Variants in ORC4 observed in about 807,000 individuals in gnomAD.
ORC4 encodes origin recognition complex, subunit 4 homolog.
Under a neutral mutation model 63.9 loss-of-function variants are expected in ORC4, and 55 were observed. That is an observed-to-expected ratio of 0.86 (90% CI 0.69 to 1.08). The LOEUF (loss-of-function observed/expected upper bound fraction) is 1.08. ORC4 is among the 50% of genes least tolerant of loss of function. ORC4 has a pLI of 0.00. For missense variants in ORC4, 511 were observed against 504.4 expected, an observed-to-expected ratio of 1.01 and a Z score of -0.13; for synonymous variants, 150 against 168.5, an observed-to-expected ratio of 0.89 and a Z score of 0.85.
At position 147,990,632 on chromosome 2, in the gene ORC4, T is replaced by G. The variant is rs535061533; in HGVS notation, c.-17-14657A>C. Reference sequence around the variant, plus strand: ...GAGCTGAAGAATAATTCCACACAAATCAACTTTTGGACCACAGGTGAATAA... The same window carrying G: ...GAGCTGAAGAATAATTCCACACAAAGCAACTTTTGGACCACAGGTGAATAA... On this transcript the variant is annotated intron_variant, in intron 1 of 13. Coordinates refer to ENST00000392857, the MANE Select transcript of ORC4 (RefSeq NM_181741.4). 5.3e-5 allele frequency among the ~76,000 whole-genome samples: 8 copies of G among 152,328 alleles called. No homozygotes were observed. The East Asian group carries it at 1.5e-3, about 29-fold the overall frequency.
chr2:147,982,671 C>A (rs1334550473), intron 1 of ORC4, among the ~76,000 whole-genome samples: 2 of 152,140 alleles, frequency 1.3e-5, no homozygotes, highest in African/African-American at 4.8e-5. Context: ...TACCTTATAA[C>A]CTACATAAAT....
chr2:147,991,711 C>T (rs1691621570), intron 1 of ORC4, among the ~76,000 whole-genome samples: 1 of 151,922 alleles, frequency 6.6e-6, no homozygotes, highest in Non-Finnish European at 1.5e-5. Context: ...ACCTGTAATC[C>T]CAGATACTCG....
intron 1 of ORC4, among the ~76,000 whole-genome samples, chr2:148,007,122 C>G (rs1175461271): frequency 6.6e-6 from 1 of 152,202 alleles, no homozygotes; most frequent in Non-Finnish European, 1.5e-5. Context: ...AACACTCAAT[C>G]TGCTTTGATT....
At chr2:147,955,624 A>G (rs1394509502) in intron 6 of ORC4, among the ~76,000 whole-genome samples, 1 of 152,020 alleles carries the variant, frequency 6.6e-6, no homozygotes. Context: ...GAAATTTTAT[A>G]TTTTAGAACT....
At chr2:147,948,719 A>G (rs1284023880) in intron 8 of ORC4, among the ~76,000 whole-genome samples, 5 of 150,028 alleles carry the variant, frequency 3.3e-5, no homozygotes, top group African/African-American at 1.2e-4. Context: ...TATTTGTGCT[A>G]TTTTTCCTTA....
chr2:147,992,854 G>C (rs1691705229), intron 1 of ORC4, among the ~76,000 whole-genome samples: 1 of 152,022 alleles, frequency 6.6e-6, no homozygotes, highest in Non-Finnish European at 1.5e-5. Context: ...ACAGAAACCA[G>C]AACTCCCTTT....
chr2:148,016,342 T>C (rs1558884141), intron 1 of ORC4, among the ~76,000 whole-genome samples: 5 of 152,188 alleles, frequency 3.3e-5, no homozygotes, highest in Non-Finnish European at 2.9e-5. Context: ...GCCGGTCTGA[T>C]CCACTACAGC....
At chr2:147,983,325 G>C (rs879922962) in intron 1 of ORC4, among the ~76,000 whole-genome samples, 1 of 152,188 alleles carries the variant, frequency 6.6e-6, no homozygotes, top group Non-Finnish European at 1.5e-5. Flanking sequence ...CACTCAATGA[G>C]CCAATGGGGT....
chr2:147,983,723 C>T (rs114397349), intron 1 of ORC4, among the ~76,000 whole-genome samples: 83 of 152,322 alleles, frequency 5.4e-4, no homozygotes, highest in African/African-American at 1.9e-3. Context: ...CTGAAGAAAT[C>T]TATGTCCAGA....
intron 9 of ORC4, among the ~76,000 whole-genome samples, chr2:147,944,813 C>G (rs1344033792): frequency 6.6e-6 from 1 of 151,714 alleles, no homozygotes; most frequent in Non-Finnish European, 1.5e-5. Context: ...TTCTAGTCTA[C>G]TGGAATAAAA....
chr2:148,012,065 T>C (rs1243249156), intron 1 of ORC4, among the ~76,000 whole-genome samples: 1 of 151,636 alleles, frequency 6.6e-6, no homozygotes, highest in Non-Finnish European at 1.5e-5. Context: ...TCAAGAGCAA[T>C]GACATTCTTC....
In ORC4 at chr2:147,946,475, G is replaced by C. The variant is rs1169424637; in HGVS notation, c.762+1576C>G. 3.9e-5 allele frequency among the ~76,000 whole-genome samples: 6 copies of C among 152,134 alleles called. No individual in the cohort carries two copies. The South Asian group carries it at 1.2e-3, about 32-fold the overall frequency. ...TAAAAGCTGAAGATCCAGAGGTCTG[G>C]TTCACACCAGACCCCAGTAAAAGGG... On this transcript the variant is annotated intron_variant, in intron 9 of 13. Transcript: ENST00000392857.
chr2:147,975,626 T>C (rs1321310244), intron 2 of ORC4, among the ~76,000 whole-genome samples: 1 of 151,716 alleles, frequency 6.6e-6, no homozygotes, highest in African/African-American at 2.4e-5. Flanking sequence ...AAAAAAAATA[T>C]ATGAACTGAC....
At chr2:147,939,015 C>T in intron 11 of ORC4, 125 bp downstream of exon 11, 1 of 680,548 alleles carries the variant, frequency 1.5e-6, no homozygotes, top group Non-Finnish European at 2.7e-6. Context: ...AAGTTAAAGG[C>T]TATATGGATA....
chr2:147,936,339 T>A (rs1327092533), intron 13 of ORC4: 3 of 152,668 alleles, frequency 2.0e-5, no homozygotes, highest in Non-Finnish European at 2.9e-5. Context: ...CTCTTTCTTG[T>A]CTACTTCCTC....
At chr2:147,943,636 T>A (rs1688497273) in intron 9 of ORC4, 114 bp from the exon 10 acceptor site, 3 of 663,636 alleles carry the variant, frequency 4.5e-6, no homozygotes, top group Non-Finnish European at 7.9e-6. Flanking sequence ...CTAATATTAA[T>A]TCATTATTAA....
chr2:147,965,946 C>G (rs186300014), intron 4 of ORC4, among the ~76,000 whole-genome samples: 1 of 152,240 alleles, frequency 6.6e-6, no homozygotes, highest in Admixed American at 6.5e-5. Context: ...TAGCTCACAC[C>G]TGTAACCCCA....
chr2:147,959,062 G>T (rs1440954665), intron 4 of ORC4, among the ~76,000 whole-genome samples, 196 bp from the exon 5 acceptor site: 1 of 151,918 alleles, frequency 6.6e-6, no homozygotes, highest in East Asian at 1.9e-4. Context: ...CAAGAGCCAG[G>T]ACTGATACAA....
chr2:147,965,757 G>A lies in ORC4; in HGVS notation c.226-6891C>T, dbSNP rs141808430. Reference sequence around the variant, plus strand: ...CTATAGAACATTTCACCCAACAACTGCAGAATGTACATTCTTCTCATCAGC... The same window carrying A: ...CTATAGAACATTTCACCCAACAACTACAGAATGTACATTCTTCTCATCAGC... On this transcript the variant is annotated intron_variant, in intron 4 of 13. Transcript: ENST00000392857. Among the ~76,000 whole-genome samples, 1,090 of 152,242 alleles carry A rather than the reference G, an allele frequency of 7.2e-3. 11 individuals carry two copies. Among genetic ancestry groups the A allele is most frequent in the African/African-American group, 0.025 (1,023 of 41,554 alleles).
Sources: gnomAD v4.1 joint callset for allele counts (sites outside exome capture counted in the v4.1 genomes callset) on GRCh38, gnomAD v4.1.1 for gene constraint, MANE v1.5 for transcripts, NCBI Gene and HGNC (gene_info 2026-07-23, HGNC 2026-07-21) for gene names.